Variants in PABPC4L observed in about 807,000 individuals in gnomAD.
The protein encoded by PABPC4L is polyadenylate-binding protein 4-like.
For synonymous variants in PABPC4L, 169 were observed against 164.1 expected (o/e 1.03, Z -0.23); for missense variants, 452 against 451.4 (o/e 1.00, Z -0.01).
At chr4:134,049,123 A>T in the PABPC4L span, among the ~76,000 whole-genome samples, 2 of 152,026 alleles carry the variant, frequency 1.3e-5, no homozygotes, top group Non-Finnish European at 2.9e-5. Flanking sequence ...AAACTCTCCA[A>T]TTACCCATTT....
the PABPC4L span, among the ~76,000 whole-genome samples, chr4:133,979,629 A>G: frequency 6.6e-6 from 1 of 152,142 alleles, no homozygotes; most frequent in Non-Finnish European, 1.5e-5. Context: ...CACTTTAAGC[A>G]TACAACAGGT....
the PABPC4L span, among the ~76,000 whole-genome samples, chr4:133,977,536 C>T: frequency 1.4e-3 from 206 of 152,186 alleles, no homozygotes; most frequent in South Asian, 5.0e-3. Flanking sequence ...TTTCTTCCAT[C>T]CATGAGCATG....
the PABPC4L span, among the ~76,000 whole-genome samples, chr4:134,069,104 T>A: frequency 2.0e-5 from 3 of 152,158 alleles, no homozygotes; most frequent in African/African-American, 7.2e-5. Flanking sequence ...TTTGGCTGTA[T>A]ATTAAATTCT....
the PABPC4L span, among the ~76,000 whole-genome samples, chr4:134,170,035 C>T: frequency 2.0e-5 from 3 of 152,080 alleles, no homozygotes; most frequent in Non-Finnish European, 4.4e-5. Flanking sequence ...CTTTCTCCTT[C>T]CACACTCCAC....
the PABPC4L span, among the ~76,000 whole-genome samples, chr4:134,086,012 T>C: frequency 6.6e-6 from 1 of 152,136 alleles, no homozygotes; most frequent in Non-Finnish European, 1.5e-5. Flanking sequence ...ATAGTAATAA[T>C]TGTAATCACT....
chr4:134,172,862 T>C, the PABPC4L span, among the ~76,000 whole-genome samples: 3 of 152,018 alleles, frequency 2.0e-5, no homozygotes, highest in South Asian at 6.2e-4. Context: ...AGGCATCACA[T>C]TACCTGACTT....
the PABPC4L span, among the ~76,000 whole-genome samples, chr4:134,175,877 G>A: frequency 1.3e-5 from 2 of 152,006 alleles, no homozygotes; most frequent in Non-Finnish European, 2.9e-5. Flanking sequence ...ATAACAAATA[G>A]AAGAAAAAAA....
At chr4:133,975,029 T>G in the PABPC4L span, among the ~76,000 whole-genome samples, 1 of 152,164 alleles carries the variant, frequency 6.6e-6, no homozygotes, top group Non-Finnish European at 1.5e-5. Flanking sequence ...TCATGTTCAC[T>G]CAATATCTTG....
chr4:134,146,697 A>G, the PABPC4L span, among the ~76,000 whole-genome samples: 6 of 152,028 alleles, frequency 3.9e-5, no homozygotes, highest in Non-Finnish European at 5.9e-5. Context: ...GAGGGTACCC[A>G]ATAGTTGTTT....
At chr4:134,109,643 A>G in the PABPC4L span, among the ~76,000 whole-genome samples, 104 of 152,144 alleles carry the variant, frequency 6.8e-4, no homozygotes, top group Non-Finnish European at 1.1e-3. Context: ...AATTAATAAA[A>G]AAATTAGGTT....
At chr4:134,004,703 A>G in the PABPC4L span, among the ~76,000 whole-genome samples, 370 of 152,098 alleles carry the variant, frequency 2.4e-3, 3 homozygotes, top group African/African-American at 8.6e-3. Context: ...AAGATATGGA[A>G]CAACCTAAAT....
the PABPC4L span, among the ~76,000 whole-genome samples, chr4:134,160,043 G>A: frequency 6.6e-6 from 1 of 152,116 alleles, no homozygotes; most frequent in Non-Finnish European, 1.5e-5. Context: ...CTAATGGAAT[G>A]GACCCAATCC....
the PABPC4L span, among the ~76,000 whole-genome samples, chr4:134,098,098 T>C: frequency 6.6e-6 from 1 of 151,854 alleles, no homozygotes; most frequent in East Asian, 1.9e-4. Context: ...TATAGCAGTC[T>C]TACATATTTC....
chr4:134,077,376 T>A, the PABPC4L span, among the ~76,000 whole-genome samples: 2 of 152,166 alleles, frequency 1.3e-5, no homozygotes, highest in African/African-American at 4.8e-5. Context: ...AAAAAAAGCA[T>A]CTGTGATCTT....
chr4:134,082,388 G>C, the PABPC4L span, among the ~76,000 whole-genome samples: 1 of 152,022 alleles, frequency 6.6e-6, no homozygotes, highest in African/African-American at 2.4e-5. Flanking sequence ...TTAGTCTCAG[G>C]CTCAGAGAAA....
At chr4:134,164,323 A>G in the PABPC4L span, among the ~76,000 whole-genome samples, 6 of 151,252 alleles carry the variant, frequency 4.0e-5, no homozygotes, top group African/African-American at 1.4e-4. Context: ...ATCAGGCAAG[A>G]GAAATAAATA....
the PABPC4L span, among the ~76,000 whole-genome samples, chr4:134,063,477 C>A: frequency 2.6e-5 from 4 of 151,918 alleles, no homozygotes; most frequent in East Asian, 3.9e-4. Flanking sequence ...ACATGGGTAA[C>A]CTAAATTAAT....
At chr4:134,091,079 A>T in the PABPC4L span, among the ~76,000 whole-genome samples, 1 of 152,060 alleles carries the variant, frequency 6.6e-6, no homozygotes, top group Non-Finnish European at 1.5e-5. Context: ...TATTATTTTA[A>T]CTTTCTATGT....
chr4:134,141,037 C>T, the PABPC4L span, among the ~76,000 whole-genome samples: 2 of 151,650 alleles, frequency 1.3e-5, no homozygotes, highest in Admixed American at 1.3e-4. Context: ...AAATTTTATT[C>T]ATGAGGAAGA....
Sources: gnomAD v4.1 joint callset for allele counts (sites outside exome capture counted in the v4.1 genomes callset) on GRCh38, gnomAD v4.1.1 for gene constraint, MANE v1.5 for transcripts, NCBI Gene and HGNC (gene_info 2026-07-23, HGNC 2026-07-21) for gene names.